PDCD6: variants seen among roughly 807,000 people sequenced by gnomAD.
The protein encoded by PDCD6 is programmed cell death protein 6.
Under a neutral mutation model 28.3 loss-of-function variants are expected in PDCD6, and 12 were observed. The observed-to-expected ratio is 0.42, with a 90% CI of 0.27 to 0.69. The LOEUF is 0.69. Among genes scored for constraint, PDCD6 ranks in the 30% least tolerant of loss-of-function variants. The probability of loss-of-function intolerance (pLI) is 0.22; values close to 1 mark genes in which losing one functional copy is unlikely to be tolerated. For synonymous variants in PDCD6, 92 were observed against 108.0 expected, an observed-to-expected ratio of 0.85 and a Z score of 0.92; for missense variants, 226 against 269.9, an observed-to-expected ratio of 0.84 and a Z score of 1.14.
In PDCD6 at chr5:291,092, G is replaced by A. The variant is rs1018896000; in HGVS notation, c.164-13085G>A. ...TCCCTGGAGGCCCTGCCTGAGTCCC[G>A]GGTCCCTTCCCTTCTCCTGCAGAGG... On this transcript the variant is annotated intron_variant, in intron 2 of 5. Coordinates refer to ENST00000264933, the MANE Select transcript of PDCD6 (RefSeq NM_013232.4). Among the ~76,000 whole-genome samples the A allele has an allele frequency of 4.6e-5, 7 of 152,050 alleles. No individual in the cohort carries two copies. The South Asian group carries it at 8.3e-4, about 18-fold the overall frequency.
At chr5:301,069 A>G (rs577924357) in intron 2 of PDCD6, among the ~76,000 whole-genome samples, 1 of 152,366 alleles carries the variant, frequency 6.6e-6, no homozygotes, top group Admixed American at 6.5e-5. Flanking sequence ...TTATTTGCTG[A>G]GATGGCCCAG....
chr5:272,883 G>A, intron 2 of PDCD6, 111 bp downstream of exon 2: 1 of 1,451,502 alleles, frequency 6.9e-7, no homozygotes, highest in Non-Finnish European at 9.3e-7. Context: ...GAATCATTAG[G>A]ACAAATTGTT....
At chr5:286,030 G>A (rs1319321897) in intron 2 of PDCD6, among the ~76,000 whole-genome samples, 4 of 151,134 alleles carry the variant, frequency 2.6e-5, no homozygotes, top group Admixed American at 6.6e-5. Flanking sequence ...GGGCCATGCA[G>A]CTGGAGACCC....
intron 2 of PDCD6, among the ~76,000 whole-genome samples, chr5:296,991 G>A (rs1272565774): frequency 6.6e-6 from 1 of 152,188 alleles, no homozygotes; most frequent in Non-Finnish European, 1.5e-5. Context: ...CACCGTGCTG[G>A]TCTGGGCATC....
intron 5 of PDCD6, chr5:313,784 C>T (rs1741085724): frequency 1.3e-5 from 2 of 155,060 alleles, no homozygotes; most frequent in Middle Eastern, 1.2e-3. Context: ...AAGCGATCCT[C>T]ACGCCTCGGA....
At chr5:289,056 T>C in intron 2 of PDCD6, 1 of 1,305,236 alleles carries the variant, frequency 7.7e-7, no homozygotes, top group East Asian at 2.3e-5. Flanking sequence ...CATTTGATTA[T>C]TTTCCTCAAA....
intron 2 of PDCD6, chr5:288,840 T>C: frequency 6.9e-7 from 1 of 1,447,414 alleles, no homozygotes; most frequent in Non-Finnish European, 9.3e-7. Flanking sequence ...ATAGTCTTGT[T>C]CCATTGGTTC....
At chr5:276,539 G>T in intron 2 of PDCD6, 2 of 977,286 alleles carry the variant, frequency 2.0e-6, no homozygotes, top group Middle Eastern at 5.2e-4. Context: ...AGGCTCAAGT[G>T]ATCCTCCTGC....
At chr5:312,542 G>A (rs1740987397) in intron 5 of PDCD6, 1 of 152,182 alleles carries the variant, frequency 6.6e-6, no homozygotes, top group South Asian at 2.1e-4. Context: ...AACCAGGTCT[G>A]TGAACATGGA....
chr5:313,137 C>T (rs560639449), intron 5 of PDCD6, among the ~76,000 whole-genome samples: 28 of 152,270 alleles, frequency 1.8e-4, no homozygotes, highest in Non-Finnish European at 3.5e-4. Flanking sequence ...CAGGCTGTCC[C>T]CACCCTTGGA....
At chr5:297,665 C>G (rs2126735762) in intron 2 of PDCD6, among the ~76,000 whole-genome samples, 1 of 152,288 alleles carries the variant, frequency 6.6e-6, no homozygotes, top group East Asian at 1.9e-4. Flanking sequence ...AGCACGAGAT[C>G]TTCCCTCTCA....
Position 295,672 on chromosome 5 carries a change from C to T in PDCD6, c.164-8505C>T, listed in dbSNP as rs574364143. Among the ~76,000 whole-genome samples the T allele has an allele frequency of 8.9e-5, 13 of 146,462 alleles. No homozygotes were observed. The East Asian group carries it at 2.3e-3, about 26-fold the overall frequency. Reference sequence around the variant, plus strand: ...TTTTTTTCTTGTCCACATTCACCTTCGGTGGGTGGTCCCTGGTGGTCATGA... The same window carrying T: ...TTTTTTTCTTGTCCACATTCACCTTTGGTGGGTGGTCCCTGGTGGTCATGA... On this transcript the variant is annotated intron_variant, in intron 2 of 5. Transcript: ENST00000264933.
intron 4 of PDCD6, chr5:310,059 C>T: frequency 3.9e-6 from 1 of 256,250 alleles, no homozygotes; most frequent in Non-Finnish European, 7.7e-6. Flanking sequence ...CATGCACTCC[C>T]AGACAGGCAA....
At chr5:303,365 C>A (rs1394010288) in intron 2 of PDCD6, among the ~76,000 whole-genome samples, 1 of 151,256 alleles carries the variant, frequency 6.6e-6, no homozygotes, top group Non-Finnish European at 1.5e-5. Flanking sequence ...CTCTCCTGAC[C>A]TTAAAAATAT....
intron 3 of PDCD6, chr5:306,115 G>A: frequency 6.0e-6 from 1 of 166,598 alleles, no homozygotes; most frequent in Non-Finnish European, 1.3e-5. Context: ...AATTAAAGCA[G>A]GTTTTCCTGA....
intron 2 of PDCD6, among the ~76,000 whole-genome samples, chr5:290,689 T>C (rs1739262942): frequency 6.6e-6 from 1 of 152,250 alleles, no homozygotes; most frequent in Admixed American, 6.5e-5. Context: ...TTCTGTGAGT[T>C]CTGGCAATTG....
chr5:289,438 A>G (rs1739184539), intron 2 of PDCD6: 1 of 691,268 alleles, frequency 1.4e-6, no homozygotes, highest in Non-Finnish European at 2.6e-6. Context: ...CCTCTTCTGT[A>G]CGCGCTGCCG....
At chr5:295,150 A>G (rs960927286) in intron 2 of PDCD6, among the ~76,000 whole-genome samples, 3 of 152,336 alleles carry the variant, frequency 2.0e-5, no homozygotes, top group East Asian at 1.9e-4. Context: ...GAAGGCTGCC[A>G]CAAGTCAAAG....
chr5:274,114 T>A (rs1738029833), intron 2 of PDCD6, among the ~76,000 whole-genome samples: 2 of 152,218 alleles, frequency 1.3e-5, no homozygotes, highest in Admixed American at 1.3e-4. Context: ...CATCACCTGT[T>A]AAATATGGTC....
Sources: gnomAD v4.1 joint callset for allele counts (sites outside exome capture counted in the v4.1 genomes callset) on GRCh38, gnomAD v4.1.1 for gene constraint, MANE v1.5 for transcripts, NCBI Gene and HGNC (gene_info 2026-07-23, HGNC 2026-07-21) for gene names.